Variants in XPO5 observed in about 807,000 individuals in gnomAD.
The protein encoded by XPO5 is exportin-5.
Under a neutral mutation model 160.6 loss-of-function variants are expected in XPO5, and 46 were observed. The observed-to-expected ratio is 0.29, with a 90% CI of 0.23 to 0.37. XPO5 has a LOEUF of 0.37. Ranked by LOEUF, XPO5 falls within the 10% of genes least tolerant of loss-of-function variation. The pLI is 1.00. For missense variants in XPO5, 1,090 were observed against 1,463.9 expected (o/e 0.74, Z 4.17); for synonymous variants, 537 against 519.3 (o/e 1.03, Z -0.46).
At chr6:43,525,433 T>G (rs1793518799) in intron 28 of XPO5, 1 of 550,714 alleles carries the variant, frequency 1.8e-6, no homozygotes, top group Non-Finnish European at 3.2e-6. Context: ...CCACCATGCC[T>G]GGCTTAGGAG....
chr6:43,570,417 T>A (rs972421571), intron 5 of XPO5, 85 bp downstream of exon 5: 1 of 1,183,524 alleles, frequency 8.4e-7, no homozygotes, highest in Admixed American at 2.9e-5. Context: ...TTTGCTGACC[T>A]AGACACCCTA....
rs1202888185 is a variant in XPO5, at chr6:43,549,952, A to G, written c.1729-18T>C. On this transcript the variant is annotated intron_variant, in intron 15 of 31. Coordinates refer to ENST00000265351, the MANE Select transcript of XPO5 (RefSeq NM_020750.3). The stretch of plus-strand genomic sequence containing the variant: ...GAAAATAGCTAAGGGAGAGGAGGAA[A>G]AAAGGTCACTCATGTTTATTTGTTT... 1 of 1,611,140 alleles carries G rather than the reference A, an allele frequency of 6.2e-7. No individual in the cohort carries two copies. The highest frequency in any genetic ancestry group is 8.5e-7 in the Non-Finnish European group (1 of 1,178,570).
In XPO5 at chr6:43,566,525, T is replaced by A. The variant is rs987421159; in HGVS notation, c.834+644A>T. On this transcript the variant is annotated intron_variant, in intron 7 of 31. Coordinates refer to ENST00000265351, the MANE Select transcript of XPO5 (RefSeq NM_020750.3). Reference sequence around the variant, plus strand: ...TTCCATTGGTTAGCCAAGACAGACATAGGCTTGGCGCAGTGGCTCACGCCT... The same window carrying A: ...TTCCATTGGTTAGCCAAGACAGACAAAGGCTTGGCGCAGTGGCTCACGCCT... 7.0e-5 allele frequency: 13 copies of A among 185,326 alleles called. No homozygotes were observed. In the East Asian group the frequency reaches 1.9e-3, roughly 27 times the overall value. The allele number at this position is 185,326 out of a possible 1,614,324, so 11.5% of individuals were successfully genotyped here.
At chr6:43,531,672 A>G in intron 21 of XPO5, 97 bp from the exon 22 acceptor site, 1 of 1,010,776 alleles carries the variant, frequency 9.9e-7, no homozygotes, top group South Asian at 1.3e-5. Flanking sequence ...AGGGGTGAAG[A>G]TGTGTGCATG....
intron 9 of XPO5, 30 bp from the exon 10 acceptor site, chr6:43,561,037 G>A (rs372214869): frequency 1.2e-5 from 18 of 1,555,254 alleles, no homozygotes; most frequent in Non-Finnish European, 1.5e-5. Context: ...TATTAACGGT[G>A]TTGATCGAGA....
intron 7 of XPO5, 37 bp downstream of exon 7, chr6:43,567,132 G>T: frequency 6.3e-7 from 1 of 1,577,626 alleles, no homozygotes. Flanking sequence ...GCCTACTTCA[G>T]AGACTGAGGA....
At position 43,525,936 on chromosome 6, in the gene XPO5, T is replaced by G; in HGVS notation, c.2984-15A>C. 1.2e-6 allele frequency: 2 copies of G among 1,613,264 alleles called. No individual in the cohort carries two copies. Among genetic ancestry groups the G allele is most frequent in the South Asian group, 1.1e-5 (1 of 91,004 alleles). ...CATTTCTTCATCTGTTATCAGAGAG[T>G]AGAATGTTAAGCTCCATCCTTTCAG... On this transcript the variant is annotated splice_polypyrimidine_tract_variant and intron_variant, in intron 27 of 31. Coordinates refer to ENST00000265351, the MANE Select transcript of XPO5 (RefSeq NM_020750.3).
Position 43,570,573 on chromosome 6 carries a change from G to A in XPO5, c.550C>T (p.Gln184Ter). 1 of 1,613,656 alleles carries A rather than the reference G, an allele frequency of 6.2e-7. No homozygotes were observed. Among genetic ancestry groups the A allele is most frequent in the Non-Finnish European group, 8.5e-7 (1 of 1,179,804 alleles). Residue 184 changes from glutamine to a stop codon, truncating the protein, a stop_gained, in exon 5 of 32, where the codon CAG (glutamine) becomes TAG (stop). Transcript: ENST00000265351. LOFTEE classifies it high-confidence loss of function. The part of the protein sequence containing the change: ...RRRDIQQTLT[Q>*]NMERIFSFLL... Reference sequence around the variant, plus strand: ...AAACTGAAGATCCTTTCCATGTTCTGGGTTAATGTTTGCTGGATGTCCCTT... The same window carrying A: ...AAACTGAAGATCCTTTCCATGTTCTAGGTTAATGTTTGCTGGATGTCCCTT...
At position 43,551,390 on chromosome 6, in the gene XPO5, G is replaced by A. The variant is rs764463456; in HGVS notation, c.1636C>T (p.Pro546Ser). 6.2e-7 allele frequency: 1 copy of A among 1,613,886 alleles called. No homozygotes were observed. The highest frequency in any genetic ancestry group is 1.1e-5 in the South Asian group (1 of 91,088). The change falls in exon 15 of 32, where the codon CCC (proline) becomes TCC (serine). Residue 546 changes from proline (P) to serine (S), a missense_variant. Physicochemically the swap from Pro to Ser is moderately conservative, Grantham distance 74. Transcript: ENST00000265351. ...QMVLNFDTKD[P>S]LILSCVLTNV... ...GTAAGGACGCAGGACAGGATGAGGGGATCCTTGGTATCAAAGTTCAGAACC... is the reference window on the plus strand; with the variant it reads ...GTAAGGACGCAGGACAGGATGAGGGAATCCTTGGTATCAAAGTTCAGAACC...
In XPO5 at chr6:43,533,559, A is replaced by T. The variant is rs182963296; in HGVS notation, c.2443+348T>A. ...TAGGCTGAAGCTGCTCAAGGAACCCATAAGAACGCCTGTAATCACTAGGAT... is the reference window on the plus strand; with the variant it reads ...TAGGCTGAAGCTGCTCAAGGAACCCTTAAGAACGCCTGTAATCACTAGGAT... On this transcript the variant is annotated intron_variant, in intron 21 of 31. Transcript: ENST00000265351. 361 of 181,092 alleles carry T rather than the reference A, an allele frequency of 2.0e-3. 2 individuals are homozygous for T. The highest frequency in any genetic ancestry group is 2.8e-3 in the Admixed American group (51 of 18,350). 11.2% of individuals were successfully genotyped at this position (181,092 alleles called of 1,614,324 possible).
intron 11 of XPO5, among the ~76,000 whole-genome samples, chr6:43,559,312 A>C (rs1397793386): frequency 6.6e-6 from 1 of 152,158 alleles, no homozygotes; most frequent in African/African-American, 2.4e-5. Flanking sequence ...AAAACACAGA[A>C]CACCAGTGTG....
intron 30 of XPO5, 71 bp downstream of exon 30, chr6:43,524,760 G>A: frequency 1.3e-6 from 2 of 1,595,770 alleles, no homozygotes; most frequent in Non-Finnish European, 1.7e-6. Flanking sequence ...TTTAGGATAA[G>A]GCCCAAGAGA....
chr6:43,541,379 T>C (rs1561872387), intron 20 of XPO5, among the ~76,000 whole-genome samples: 1 of 152,236 alleles, frequency 6.6e-6, no homozygotes, highest in Non-Finnish European at 1.5e-5. Flanking sequence ...ATGTACCCCA[T>C]AAATATATGT....
chr6:43,551,481 C>T (rs746570607), intron 14 of XPO5, 28 bp from the exon 15 acceptor site: 6 of 1,604,256 alleles, frequency 3.7e-6, no homozygotes, highest in Non-Finnish European at 3.4e-6. Context: ...AACAGGTTGA[C>T]AATGGCTGCC....
At chr6:43,548,026 A>C (rs1207526078) in intron 18 of XPO5, among the ~76,000 whole-genome samples, 1 of 152,140 alleles carries the variant, frequency 6.6e-6, no homozygotes, top group African/African-American at 2.4e-5. Flanking sequence ...ATTTTTCTAA[A>C]TGTGCTGGTG....
intron 23 of XPO5, chr6:43,529,273 T>A: frequency 7.4e-7 from 1 of 1,343,438 alleles, no homozygotes; most frequent in Non-Finnish European, 9.9e-7. Context: ...CTGGCTGCGG[T>A]GGCTCACACC....
intron 15 of XPO5, among the ~76,000 whole-genome samples, chr6:43,550,493 T>G (rs975382546): frequency 5.3e-5 from 8 of 152,204 alleles, no homozygotes; most frequent in Non-Finnish European, 7.3e-5. Context: ...TTCTCATTTT[T>G]TTCTCCACTC....
At chr6:43,543,640 A>C (rs1246405535) in intron 20 of XPO5, among the ~76,000 whole-genome samples, 1 of 151,990 alleles carries the variant, frequency 6.6e-6, no homozygotes, top group Non-Finnish European at 1.5e-5. Context: ...CCTTTTCTAC[A>C]TAAATGTTAC....
At chr6:43,549,254 G>A (rs897183203) in intron 17 of XPO5, among the ~76,000 whole-genome samples, 4 of 151,992 alleles carry the variant, frequency 2.6e-5, no homozygotes, top group South Asian at 4.2e-4. Context: ...AGTAGAGACC[G>A]GACTTCACCA....
Sources: gnomAD v4.1 joint callset for allele counts (sites outside exome capture counted in the v4.1 genomes callset) on GRCh38, gnomAD v4.1.1 for gene constraint, MANE v1.5 for transcripts, NCBI Gene and HGNC (gene_info 2026-07-23, HGNC 2026-07-21) for gene names.